VRK2: variants seen among roughly 807,000 people sequenced by gnomAD.
The protein encoded by VRK2 is VRK serine/threonine kinase 2, also known as serine/threonine-protein kinase VRK2.
A neutral mutation model predicts 57.6 loss-of-function variants in VRK2; 60 were observed. The observed-to-expected ratio is 1.04, with a 90% CI of 0.85 to 1.29. The LOEUF (loss-of-function observed/expected upper bound fraction) is 1.29. Ranked by LOEUF, VRK2 falls within the 50% of genes most tolerant of loss-of-function variation. VRK2 has a pLI of 0.00. For synonymous variants in VRK2, 231 were observed against 199.2 expected, an observed-to-expected ratio of 1.16 and a Z score of -1.35; for missense variants, 705 against 588.1, an observed-to-expected ratio of 1.20 and a Z score of -2.06.
chr2:58,130,358 G>A (rs1679003069), intron 8 of VRK2, among the ~76,000 whole-genome samples: 1 of 152,150 alleles, frequency 6.6e-6, no homozygotes, highest in African/African-American at 2.4e-5. Context: ...ATTTATTACT[G>A]AAGAAATCAC....
chr2:58,008,242 A>G (rs1673314178), intron 1 of VRK2, among the ~76,000 whole-genome samples: 2 of 152,102 alleles, frequency 1.3e-5, no homozygotes, highest in Admixed American at 1.3e-4. Context: ...AGATCTATAT[A>G]GTACATGACG....
chr2:58,044,983 C>G (rs1366082021), upstream of VRK2, among the ~76,000 whole-genome samples: 7 of 152,174 alleles, frequency 4.6e-5, no homozygotes, highest in Admixed American at 3.3e-4. Context: ...CAATCCTCCT[C>G]CTTCTCCCAA....
intron 2 of VRK2, among the ~76,000 whole-genome samples, chr2:58,079,823 G>T (rs1670609922): frequency 6.6e-6 from 1 of 151,906 alleles, no homozygotes; most frequent in Admixed American, 6.6e-5. Context: ...GCCATAATAT[G>T]GTTGCTAGGT....
chr2:58,103,669 C>A (rs1674341235), intron 7 of VRK2, among the ~76,000 whole-genome samples: 1 of 151,608 alleles, frequency 6.6e-6, no homozygotes, highest in Non-Finnish European at 1.5e-5. Context: ...ACCAAAAGTA[C>A]AAAGAAGAAC....
chr2:57,935,734 T>C (rs1004365492), intron 1 of VRK2, among the ~76,000 whole-genome samples: 4 of 152,202 alleles, frequency 2.6e-5, no homozygotes, highest in Non-Finnish European at 4.4e-5. Context: ...GTATACCTTT[T>C]GGGAAATATC....
At chr2:58,023,230 GT>G in intron 1 of VRK2, among the ~76,000 whole-genome samples, 1 of 152,230 alleles carries the variant, frequency 6.6e-6, no homozygotes, top group East Asian at 1.9e-4. Context: ...GAATCATACC[GT>G]ATCTGTCCTT....
rs1320407011 is a variant in VRK2, at chr2:58,159,470, A to AT, written c.1308dup (p.Thr437TyrfsTer16). ...AACTCATTTTATGAGCCTCATCAAG[A>AT]TTTTACCAGTCCAGATATATTCAAG... On this transcript the variant is annotated frameshift_variant, in exon 13 of 13. Transcript: ENST00000340157. LOFTEE classifies it low-confidence loss of function (END_TRUNC). 5.0e-6 allele frequency: 8 copies of AT among 1,613,686 alleles called. No individual in the cohort carries two copies. The highest frequency in any genetic ancestry group is 6.8e-6 in the Non-Finnish European group (8 of 1,179,754).
chr2:58,144,016 CATATATATATACAT>C (rs1681736784), intron 11 of VRK2, among the ~76,000 whole-genome samples: 1 of 150,532 alleles, frequency 6.6e-6, no homozygotes, highest in Non-Finnish European at 1.5e-5. Context: ...TACATATACA[CATATATATATACAT>C]ATATACACAC....
In VRK2 at chr2:58,049,029, A is replaced by G. The variant is rs13431271; in HGVS notation, c.136+62A>G. The G allele has an allele frequency of 0.012, 18,437 of 1,554,094 alleles. 1,942 individuals carry two copies. The African/African-American group carries it at 0.23, about 19-fold the overall frequency. On this transcript the variant is annotated intron_variant, in intron 2 of 12. Coordinates refer to ENST00000340157, the MANE Select transcript of VRK2 (RefSeq NM_006296.7). Reference sequence around the variant, plus strand: ...TCTGTGACTGTAACCGTGATTACTTAGTGGTATTTTAAGAATGGAAATATG... The same window carrying G: ...TCTGTGACTGTAACCGTGATTACTTGGTGGTATTTTAAGAATGGAAATATG...
At chr2:57,961,046 A>C (rs1211057882) in intron 1 of VRK2, among the ~76,000 whole-genome samples, 1 of 152,258 alleles carries the variant, frequency 6.6e-6, no homozygotes, top group African/African-American at 2.4e-5. Context: ...AATAGACACA[A>C]GGACGTCATC....
intron 8 of VRK2, among the ~76,000 whole-genome samples, chr2:58,126,864 C>T (rs1678428567): frequency 6.6e-6 from 1 of 151,898 alleles, no homozygotes; most frequent in South Asian, 2.1e-4. Context: ...TGGTTACATT[C>T]TTAGTAATGT....
intron 1 of VRK2, among the ~76,000 whole-genome samples, chr2:57,949,344 G>A (rs1302368781): frequency 6.6e-6 from 1 of 152,022 alleles, no homozygotes; most frequent in Non-Finnish European, 1.5e-5. Flanking sequence ...GTCTATCAGG[G>A]CCATTTTTCC....
chr2:58,060,642 C>A (rs575823903), intron 2 of VRK2, among the ~76,000 whole-genome samples: 1 of 151,790 alleles, frequency 6.6e-6, no homozygotes, highest in East Asian at 1.9e-4. Flanking sequence ...TAAAGACATG[C>A]AAAATAAAGA....
chr2:58,097,405 A>C (rs759331189), intron 7 of VRK2, among the ~76,000 whole-genome samples: 1 of 151,442 alleles, frequency 6.6e-6, no homozygotes, highest in Non-Finnish European at 1.5e-5. Context: ...TAAATCTTTC[A>C]AGTTGTTTAG....
intron 1 of VRK2, among the ~76,000 whole-genome samples, chr2:57,946,440 A>T (rs1671264577): frequency 6.6e-6 from 1 of 152,094 alleles, no homozygotes; most frequent in Non-Finnish European, 1.5e-5. Context: ...AACCCTTAAT[A>T]AGTACTATTA....
intron 1 of VRK2, among the ~76,000 whole-genome samples, chr2:58,004,604 T>G (rs914676520): frequency 6.6e-6 from 1 of 152,138 alleles, no homozygotes; most frequent in Admixed American, 6.5e-5. Flanking sequence ...TGTTTTGGAT[T>G]TTGTTCATAA....
chr2:58,116,091 T>C (rs1676427555), intron 7 of VRK2, among the ~76,000 whole-genome samples: 1 of 152,106 alleles, frequency 6.6e-6, no homozygotes, highest in African/African-American at 2.4e-5. Flanking sequence ...GTTTATAGGT[T>C]TTAGAAGCCC....
intron 1 of VRK2, among the ~76,000 whole-genome samples, chr2:57,986,761 G>C (rs1015786446): frequency 1.1e-4 from 16 of 152,020 alleles, no homozygotes; most frequent in African/African-American, 3.9e-4. Context: ...ACCACACCCA[G>C]CTAATTTTTG....
At chr2:57,955,620 C>T (rs1022953430) in intron 1 of VRK2, among the ~76,000 whole-genome samples, 16 of 152,100 alleles carry the variant, frequency 1.1e-4, no homozygotes, top group Admixed American at 1.0e-3. Context: ...TATCAAAAAA[C>T]ATCTTCTCTA....
Sources: gnomAD v4.1 joint callset for allele counts (sites outside exome capture counted in the v4.1 genomes callset) on GRCh38, gnomAD v4.1.1 for gene constraint, MANE v1.5 for transcripts, NCBI Gene and HGNC (gene_info 2026-07-23, HGNC 2026-07-21) for gene names.